The following SRD5A3 variants were observed in gnomAD, a reference collection of about 807,000 sequenced individuals.
SRD5A3 encodes steroid 5 alpha-reductase 3, also known as polyprenal reductase.
SRD5A3 carries 24 observed loss-of-function variants against 34.3 expected under a neutral mutation model. The ratio of observed to expected loss-of-function variants is 0.70; its 90% CI spans 0.51 to 0.99. The LOEUF (loss-of-function observed/expected upper bound fraction) is 0.99, where lower values mean the gene tolerates loss of function less well. Ranked by LOEUF, SRD5A3 falls within the 50% of genes least tolerant of loss-of-function variation. The probability of loss-of-function intolerance (pLI) is 0.00; values close to 1 mark genes in which losing one functional copy is unlikely to be tolerated. For synonymous variants in SRD5A3, 161 were observed against 167.3 expected, an observed-to-expected ratio of 0.96 and a Z score of 0.29; for missense variants, 350 against 388.2, an observed-to-expected ratio of 0.90 and a Z score of 0.83.
intron 1 of SRD5A3, among the ~76,000 whole-genome samples, chr4:55,350,888 C>T (rs112138542): frequency 0.014 from 2,027 of 149,556 alleles, 41 homozygotes; most frequent in African/African-American, 0.048. Context: ...TCAGCACCCC[C>T]AGTAGCTGGG....
chr4:55,347,970 C>G (rs1191474290), intron 1 of SRD5A3, among the ~76,000 whole-genome samples: 1 of 152,122 alleles, frequency 6.6e-6, no homozygotes, highest in East Asian at 1.9e-4. Flanking sequence ...AATTTATTTT[C>G]TGAGTTTTGA....
At chr4:55,369,426 C>T (rs1172954184) in intron 4 of SRD5A3, among the ~76,000 whole-genome samples, 1 of 152,094 alleles carries the variant, frequency 6.6e-6, no homozygotes, top group Non-Finnish European at 1.5e-5. Flanking sequence ...GTATGATACT[C>T]TTTTCTAAAT....
At chr4:55,357,208 A>G (rs1405395574) in intron 1 of SRD5A3, among the ~76,000 whole-genome samples, 1 of 150,298 alleles carries the variant, frequency 6.7e-6, no homozygotes, top group Non-Finnish European at 1.5e-5. Context: ...TGACCGTCTG[A>G]CTCCCCACTC....
intron 1 of SRD5A3, chr4:55,352,044 T>G (rs1414419316): frequency 5.2e-6 from 4 of 769,438 alleles, no homozygotes; most frequent in Non-Finnish European, 9.7e-6. Flanking sequence ...TTGGTGATCC[T>G]TAGAGCCACT....
At chr4:55,362,131 C>CTT (rs11356354) in intron 2 of SRD5A3, among the ~76,000 whole-genome samples, 4 of 142,812 alleles carry the variant, frequency 2.8e-5, no homozygotes, top group African/African-American at 7.7e-5. Context: ...TCTGTTTCTT[C>CTT]TTTTTTTTTT....
intron 3 of SRD5A3, chr4:55,364,967 G>A (rs1246375923): frequency 6.5e-6 from 1 of 152,736 alleles, no homozygotes; most frequent in Non-Finnish European, 1.5e-5. Flanking sequence ...TTACGAGAAG[G>A]AAATGAAATG....
chr4:55,356,664 A>G (rs1719472955), intron 1 of SRD5A3, among the ~76,000 whole-genome samples: 1 of 151,616 alleles, frequency 6.6e-6, no homozygotes, highest in African/African-American at 2.4e-5. Context: ...TTTAGTAGAG[A>G]TGGGGCCTCA....
rs1578215756 is a variant in SRD5A3, at chr4:55,373,002, T to G, written c.*2911T>G. ...TAATAGATATTTAGTTTAAGGAGAC[T>G]GCAACATTTGCATAAGGTGCCTAAA... On this transcript the variant is annotated 3_prime_UTR_variant, in exon 5 of 5. Coordinates refer to ENST00000264228, the MANE Select transcript of SRD5A3 (RefSeq NM_024592.5). The G allele has an allele frequency of 1.3e-5, 2 of 151,578 alleles. No individual in the cohort carries two copies. Among genetic ancestry groups the G allele is most frequent in the African/African-American group, 4.8e-5 (2 of 41,332 alleles). 9.4% of individuals were successfully genotyped at this position (151,578 alleles called of 1,614,324 possible).
intron 3 of SRD5A3, chr4:55,364,508 C>A: frequency 1.9e-6 from 1 of 515,704 alleles, no homozygotes; most frequent in East Asian, 3.6e-5. Flanking sequence ...GCCAGGAGTT[C>A]GAGACCAGCC....
chr4:55,354,158 G>A lies in SRD5A3; in HGVS notation c.222-5188G>A, dbSNP rs530690588. Among the ~76,000 whole-genome samples, 38 of 152,198 alleles carry A rather than the reference G, an allele frequency of 2.5e-4. No homozygotes were observed. The South Asian group carries it at 6.4e-3, about 26-fold the overall frequency. On this transcript the variant is annotated intron_variant, in intron 1 of 4. Transcript: ENST00000264228. ...GTTGCCCAGGCTGGAGTGCAGTGGC[G>A]CAATGTGGGCTCACTGCAGCCTCCC...
At chr4:55,364,806 A>C (rs1719821366) in intron 3 of SRD5A3, 2 of 179,584 alleles carry the variant, frequency 1.1e-5, no homozygotes, top group Admixed American at 5.4e-5. Flanking sequence ...GTTGCCGCTT[A>C]GTTCCTGTGA....
At chr4:55,359,287 G>A (rs1011899754) in intron 1 of SRD5A3, 59 bp from the exon 2 acceptor site, 59 of 1,605,830 alleles carry the variant, frequency 3.7e-5, no homozygotes, top group Admixed American at 1.5e-4. Flanking sequence ...TAATCTTCCC[G>A]TATAAGAGCT....
chr4:55,356,872 C>T (rs1719484749), intron 1 of SRD5A3, among the ~76,000 whole-genome samples: 1 of 152,118 alleles, frequency 6.6e-6, no homozygotes, highest in Non-Finnish European at 1.5e-5. Flanking sequence ...AATGGCTCCC[C>T]ATTATAAAAG....
chr4:55,359,059 C>G (rs1342852336), intron 1 of SRD5A3: 2 of 401,504 alleles, frequency 5.0e-6, no homozygotes, highest in African/African-American at 4.1e-5. Flanking sequence ...TGTTACCCAG[C>G]AATCAGAGAG....
chr4:55,365,407 T>G (rs1719851195), intron 3 of SRD5A3, among the ~76,000 whole-genome samples: 1 of 152,242 alleles, frequency 6.6e-6, no homozygotes, highest in African/African-American at 2.4e-5. Flanking sequence ...AATTATTGAT[T>G]GGCTCCAGCC....
At position 55,359,387 on chromosome 4, in the gene SRD5A3, G is replaced by C. The variant is rs893706862; in HGVS notation, c.263G>C (p.Gly88Ala). 5.0e-6 allele frequency: 8 copies of C among 1,613,756 alleles called. No individual in the cohort carries two copies. The African/African-American group carries it at 1.1e-4, about 22-fold the overall frequency. The part of the protein sequence containing the change: ...HFYIISVLWN[G>A]FLLWCLTQSL... ...TATATCATCTCAGTGCTGTGGAATG[G>C]CTTCCTGCTTTGGTGCCTTACTCAA... Residue 88 changes from glycine (G) to alanine (A), a missense_variant, in exon 2 of 5, where the codon GGC becomes GCC. Gly to Ala is a moderately conservative substitution (Grantham distance 60). Around this residue, in one of 3 missense-constraint regions of SRD5A3, gnomAD observed 159 missense variants for 149.1 expected, o/e 1.07. Coordinates refer to ENST00000264228, the MANE Select transcript of SRD5A3 (RefSeq NM_024592.5).
chr4:55,364,022 T>C (rs1402151828), intron 2 of SRD5A3, 52 bp from the exon 3 acceptor site: 71 of 1,595,376 alleles, frequency 4.5e-5, no homozygotes, highest in Non-Finnish European at 5.8e-5. Context: ...AAACAAAACT[T>C]TGGATTAATC....
chr4:55,348,598 A>G (rs774431323), intron 1 of SRD5A3, among the ~76,000 whole-genome samples: 7 of 152,234 alleles, frequency 4.6e-5, no homozygotes, highest in Non-Finnish European at 5.9e-5. Flanking sequence ...TTACTGGTTT[A>G]TAAATAGTAA....
chr4:55,353,651 C>T (rs966882229), intron 1 of SRD5A3, among the ~76,000 whole-genome samples: 12 of 152,214 alleles, frequency 7.9e-5, no homozygotes, highest in Non-Finnish European at 1.3e-4. Context: ...CTGCGAAGGT[C>T]TGCGGCTTCA....
Sources: allele counts gnomAD v4.1 joint callset (sites outside exome capture counted in the v4.1 genomes callset), GRCh38; gene constraint gnomAD v4.1.1; regional missense constraint gnomAD v4.1.1; transcripts MANE v1.5; gene names NCBI Gene and HGNC (gene_info 2026-07-23, HGNC 2026-07-21).